The following ASXL2 variants were observed in gnomAD, a reference collection of about 807,000 sequenced individuals.
The protein encoded by ASXL2 is ASXL transcriptional regulator 2.
ASXL2 carries 23 observed loss-of-function variants against 122.0 expected under a neutral mutation model. That is an observed-to-expected ratio of 0.19 (90% confidence interval 0.14 to 0.27). The LOEUF (loss-of-function observed/expected upper bound fraction) is 0.27, where lower values mean the gene tolerates loss of function less well. Ranked by LOEUF, ASXL2 falls within the 10% of genes least tolerant of loss-of-function variation. The pLI is 1.00. For missense variants in ASXL2, 1,518 were observed against 1,713.8 expected (o/e 0.89, Z 2.02); for synonymous variants, 650 against 637.0 (o/e 1.02, Z -0.31).
At chr2:25,855,251 C>G (rs1158019701) in intron 1 of ASXL2, among the ~76,000 whole-genome samples, 2 of 152,088 alleles carry the variant, frequency 1.3e-5, no homozygotes, top group African/African-American at 4.8e-5. Flanking sequence ...TAGATAGTAA[C>G]TTGGTAACAG....
At chr2:25,759,307 TTC>T (rs1338926230) in intron 9 of ASXL2, among the ~76,000 whole-genome samples, 173 bp downstream of exon 9, 2 of 152,252 alleles carry the variant, frequency 1.3e-5, no homozygotes, top group Non-Finnish European at 2.9e-5. Flanking sequence ...GTCAAAATAA[TTC>T]TGTCATCTTG....
At position 25,742,806 on chromosome 2, in the gene ASXL2, T is replaced by C; in HGVS notation, c.3531A>G (p.Lys1177=). The stretch of plus-strand genomic sequence containing the variant: ...TACTTTCCTCATCAGTGTCATCTTC[T>C]TTGCTGCTGCTACTCTCTCCTGTTG... ...KNATGESSSS[K]EDDTDEESTG... The change falls in exon 13 of 13, where the codon AAA becomes AAG. Residue 1177 remains lysine, a synonymous_variant. Transcript: ENST00000435504. 1 of 1,614,026 alleles carries C rather than the reference T, an allele frequency of 6.2e-7. No individual in the cohort carries two copies. The highest frequency in any genetic ancestry group is 8.5e-7 in the Non-Finnish European group (1 of 1,179,906).
intron 3 of ASXL2, among the ~76,000 whole-genome samples, chr2:25,817,077 A>G (rs2089247575): frequency 6.6e-6 from 1 of 152,062 alleles, no homozygotes; most frequent in South Asian, 2.1e-4. Context: ...GTGAGCCAAG[A>G]TTGCACTGCA....
At chr2:25,776,954 A>T (rs1483342669) in intron 5 of ASXL2, among the ~76,000 whole-genome samples, 1 of 152,216 alleles carries the variant, frequency 6.6e-6, no homozygotes, top group Non-Finnish European at 1.5e-5. Flanking sequence ...TTAACAAATT[A>T]AACCACAGCA....
chr2:25,755,905 C>T (rs2088121936), intron 10 of ASXL2, 113 bp downstream of exon 10: 6 of 890,106 alleles, frequency 6.7e-6, no homozygotes, highest in Non-Finnish European at 7.4e-6. Flanking sequence ...TTAATTCTAT[C>T]CTATGGAAAC....
intron 1 of ASXL2, among the ~76,000 whole-genome samples, chr2:25,858,168 G>A (rs898803041): frequency 6.6e-6 from 1 of 152,090 alleles, no homozygotes; most frequent in Admixed American, 6.5e-5. Context: ...GCGAACCTAA[G>A]ACAATTACCA....
chr2:25,797,313 C>T (rs371623786), intron 5 of ASXL2, among the ~76,000 whole-genome samples: 22 of 152,132 alleles, frequency 1.4e-4, no homozygotes, highest in African/African-American at 5.1e-4. Context: ...GGTGTGGTGG[C>T]GGGCGCCTGT....
chr2:25,821,370 AG>A (rs2089308566), intron 3 of ASXL2, among the ~76,000 whole-genome samples: 4 of 151,770 alleles, frequency 2.6e-5, no homozygotes. Flanking sequence ...AGAAAGAAAA[AG>A]GGGAAAGGGA....
chr2:25,846,921 T>G (rs1009095553), intron 1 of ASXL2, among the ~76,000 whole-genome samples: 1 of 152,158 alleles, frequency 6.6e-6, no homozygotes, highest in African/African-American at 2.4e-5. Context: ...ATAAACCCAA[T>G]GTGACACAGA....
chr2:25,799,341 T>C (rs761875551), intron 5 of ASXL2, 44 bp downstream of exon 5: 2 of 1,613,528 alleles, frequency 1.2e-6, no homozygotes, highest in Admixed American at 3.3e-5. Flanking sequence ...AGGGCATTTG[T>C]CCTACAGCAT....
intron 1 of ASXL2, among the ~76,000 whole-genome samples, chr2:25,858,812 AT>A (rs765331691): frequency 2.0e-3 from 280 of 139,122 alleles, no homozygotes; most frequent in African/African-American, 2.7e-3. Flanking sequence ...TAGAAATCTA[AT>A]TTTTTTTTTT....
chr2:25,867,764 T>C (rs2089921806), intron 1 of ASXL2, among the ~76,000 whole-genome samples: 1 of 152,222 alleles, frequency 6.6e-6, no homozygotes, highest in Non-Finnish European at 1.5e-5. Context: ...CACAGGTTAA[T>C]TAGCCATGCA....
chr2:25,756,578 T>C (rs528191900), intron 9 of ASXL2, among the ~76,000 whole-genome samples: 2 of 152,330 alleles, frequency 1.3e-5, no homozygotes, highest in East Asian at 1.9e-4. Context: ...ATCCTTGAGA[T>C]TGAGGAACTC....
chr2:25,768,961 T>TTA, intron 6 of ASXL2, 93 bp from the exon 7 acceptor site: 1 of 1,375,598 alleles, frequency 7.3e-7, no homozygotes, highest in Non-Finnish European at 9.7e-7. Flanking sequence ...AGAAGCATGC[T>TTA]GATCGTTCAA....
Position 25,735,986 on chromosome 2 carries a change from A to C in ASXL2, c.*6043T>G, listed in dbSNP as rs938426261. The stretch of plus-strand genomic sequence containing the variant: ...AGAACTAAAAACATGCTGTATAGTC[A>C]CTACTTTAGGAAAACCTTTCTGCAA... On this transcript the variant is annotated 3_prime_UTR_variant, in exon 13 of 13. Transcript: ENST00000435504. The C allele has an allele frequency of 6.6e-6, 1 of 152,234 alleles. No individual in the cohort carries two copies. 9.4% of individuals were successfully genotyped at this position (152,234 alleles called of 1,614,324 possible). A position where few individuals can be genotyped will look rare whatever the true frequency, so the allele number is the denominator to read the frequency against.
In ASXL2 at chr2:25,753,574, G is replaced by C; in HGVS notation, c.1102C>G (p.Pro368Ala). 6.2e-7 allele frequency: 1 copy of C among 1,613,500 alleles called. No individual in the cohort carries two copies. Among genetic ancestry groups the C allele is most frequent in the Non-Finnish European group, 8.5e-7 (1 of 1,179,748 alleles). Residue 368 changes from proline to alanine, a missense_variant, in exon 11 of 13, where the codon CCA (proline) becomes GCA (alanine). Pro to Ala is a conservative substitution (Grantham distance 27). Around this residue, in one of 8 missense-constraint regions of ASXL2, gnomAD observed 92 missense variants for 156.6 expected, o/e 0.59. Transcript: ENST00000435504. ...QEIEKEKKVEPWKEQFFESYY... is the reference protein window; with the variant it reads ...QEIEKEKKVEAWKEQFFESYY... ...CTTTCAAAGAATTGTTCTTTCCATGGCTCCACTTTTTTCTCCTTCTCAATC... is the reference window on the plus strand; with the variant it reads ...CTTTCAAAGAATTGTTCTTTCCATGCCTCCACTTTTTTCTCCTTCTCAATC...
At chr2:25,766,326 C>T (rs565112015) in intron 8 of ASXL2, among the ~76,000 whole-genome samples, 5 of 152,190 alleles carry the variant, frequency 3.3e-5, no homozygotes, top group Admixed American at 2.0e-4. Context: ...AATTCTGTGG[C>T]TTTTTATTCT....
At chr2:25,822,544 G>A in intron 3 of ASXL2, 2 of 495,040 alleles carry the variant, frequency 4.0e-6, no homozygotes, top group Middle Eastern at 1.1e-3. Context: ...CAGTAAGGAT[G>A]TTCATGTAAA....
At chr2:25,833,801 G>C (rs1357171060) in intron 3 of ASXL2, among the ~76,000 whole-genome samples, 2 of 152,072 alleles carry the variant, frequency 1.3e-5, no homozygotes. Context: ...CTGGGCACTG[G>C]GCCAACCAAG....
Sources: gnomAD v4.1 joint callset for allele counts (sites outside exome capture counted in the v4.1 genomes callset) on GRCh38, gnomAD v4.1.1 for gene constraint, gnomAD v4.1.1 regional missense constraint, MANE v1.5 for transcripts, NCBI Gene and HGNC (gene_info 2026-07-23, HGNC 2026-07-21) for gene names.